The following SHANK2 variants were observed in gnomAD, a reference collection of about 807,000 sequenced individuals.
SHANK2 encodes SH3 and multiple ankyrin repeat domains 2, also known as SH3 and multiple ankyrin repeat domains protein 2.
SHANK2 carries 43 observed loss-of-function variants against 133.7 expected under a neutral mutation model. The observed-to-expected ratio is 0.32, with a 90% CI of 0.25 to 0.41. The LOEUF (loss-of-function observed/expected upper bound fraction) is 0.41, where lower values mean the gene tolerates loss of function less well. SHANK2 is among the 10% of genes least tolerant of loss of function. SHANK2 has a pLI of 1.00. For missense variants in SHANK2, 1,994 were observed against 2,235.8 expected (o/e 0.89, Z 2.18); for synonymous variants, 1,017 against 952.8 (o/e 1.07, Z -1.24).
intron 11 of SHANK2, among the ~76,000 whole-genome samples, chr11:70,859,708 CTTGAA>C (rs1949227392): frequency 6.6e-6 from 1 of 152,200 alleles, no homozygotes; most frequent in Non-Finnish European, 1.5e-5. Context: ...AGTCCCTGCC[CTTGAA>C]TGTGGTTTGA....
At chr11:70,832,223 T>A (rs1311485948) in intron 11 of SHANK2, among the ~76,000 whole-genome samples, 1 of 152,212 alleles carries the variant, frequency 6.6e-6, no homozygotes, top group Non-Finnish European at 1.5e-5. Context: ...CTGGAGGCAG[T>A]GTCGGTGATC....
chr11:70,894,976 T>G (rs1273696911), intron 11 of SHANK2, among the ~76,000 whole-genome samples: 1 of 152,224 alleles, frequency 6.6e-6, no homozygotes, highest in Non-Finnish European at 1.5e-5. Context: ...GCTCAGTTCA[T>G]TTTCTAAATC....
At chr11:71,214,714 C>T (rs782364663) in intron 2 of SHANK2, among the ~76,000 whole-genome samples, 5 of 152,304 alleles carry the variant, frequency 3.3e-5, no homozygotes, top group East Asian at 1.9e-4. Context: ...ACATCTGTCG[C>T]GTGCCACCCC....
intron 17 of SHANK2, among the ~76,000 whole-genome samples, chr11:70,555,486 CTGTAATG>C (rs1554979308): frequency 6.6e-6 from 1 of 152,234 alleles, no homozygotes; most frequent in South Asian, 2.1e-4. Flanking sequence ...CGGCTCACGC[CTGTAATG>C]TCAGCACTTT....
At chr11:70,781,462 T>C (rs1345144118) in intron 14 of SHANK2, among the ~76,000 whole-genome samples, 10 of 148,712 alleles carry the variant, frequency 6.7e-5, no homozygotes, top group African/African-American at 2.2e-4. Context: ...AAAGGGACCA[T>C]TGCTTGGTCA....
chr11:70,781,860 C>T (rs1334592153), intron 14 of SHANK2, among the ~76,000 whole-genome samples: 1 of 150,882 alleles, frequency 6.6e-6, no homozygotes, highest in Non-Finnish European at 1.5e-5. Flanking sequence ...TTGGAACCAA[C>T]CCAAATGTCC....
At chr11:70,723,459 G>A (rs1946111380) in intron 14 of SHANK2, among the ~76,000 whole-genome samples, 1 of 152,082 alleles carries the variant, frequency 6.6e-6, no homozygotes, top group Non-Finnish European at 1.5e-5. Flanking sequence ...AAAAATACAA[G>A]GAACTGAATT....
At chr11:71,244,187 G>T (rs545725913) in intron 1 of SHANK2, among the ~76,000 whole-genome samples, 4 of 152,280 alleles carry the variant, frequency 2.6e-5, no homozygotes, top group Admixed American at 2.6e-4. Flanking sequence ...ACTGCCTTAG[G>T]CTCTGCCAGC....
chr11:70,591,134 T>C (rs1554987951), intron 17 of SHANK2, among the ~76,000 whole-genome samples: 1 of 152,038 alleles, frequency 6.6e-6, no homozygotes, highest in African/African-American at 2.4e-5. Context: ...TGGACCTCAC[T>C]TGAGGTCAGG....
chr11:70,605,597 G>T (rs1554992106), intron 17 of SHANK2, among the ~76,000 whole-genome samples: 2 of 152,204 alleles, frequency 1.3e-5, no homozygotes, highest in Non-Finnish European at 2.9e-5. Flanking sequence ...TCTACTGACC[G>T]CTCAGTGAAG....
intron 11 of SHANK2, among the ~76,000 whole-genome samples, chr11:70,889,205 A>G (rs1555074170): frequency 6.6e-6 from 1 of 152,084 alleles, no homozygotes; most frequent in South Asian, 2.1e-4. Context: ...AGTCCGTATA[A>G]GGGAAAGGAG....
chr11:70,860,720 A>T (rs1332354529), intron 11 of SHANK2, among the ~76,000 whole-genome samples: 2 of 152,214 alleles, frequency 1.3e-5, no homozygotes, highest in African/African-American at 4.8e-5. Context: ...TAGTTTTAGA[A>T]ATACACGCAA....
intron 14 of SHANK2, among the ~76,000 whole-genome samples, chr11:70,766,577 C>T (rs1302054183): frequency 6.6e-6 from 1 of 152,166 alleles, no homozygotes; most frequent in African/African-American, 2.4e-5. Flanking sequence ...GTTTAAGTCA[C>T]TAAAATAGTT....
rs2058611922 is a variant in SHANK2, at chr11:70,472,772, T to C, written c.*97A>G. 3.3e-6 allele frequency: 4 copies of C among 1,198,636 alleles called. No individual in the cohort carries two copies. The highest frequency in any genetic ancestry group is 1.5e-5 in the African/African-American group (1 of 66,742). The allele number at this position is 1,198,636 out of a possible 1,614,324, so 74.3% of individuals were successfully genotyped here. A position where few individuals can be genotyped will look rare whatever the true frequency, so the allele number is the denominator to read the frequency against. ...CAGGAGACAAACCCATGGAGTGGGG[T>C]TGATGCTCACAGACTTCGCTTGGCA... On this transcript the variant is annotated 3_prime_UTR_variant, in exon 26 of 26. Transcript: ENST00000601538. This position sits in a 1 kb window ranked among gnomAD's most constrained non-coding sequence, Gnocchi z 4.4.
chr11:71,122,573 C>A (rs1487534398), intron 3 of SHANK2, among the ~76,000 whole-genome samples: 3 of 152,016 alleles, frequency 2.0e-5, no homozygotes, highest in Non-Finnish European at 4.4e-5. Flanking sequence ...GTACAGCAAA[C>A]CAACAAGGCA....
chr11:71,065,938 C>T (rs1174873512), intron 9 of SHANK2, among the ~76,000 whole-genome samples: 17 of 3,994 alleles, frequency 4.3e-3, no homozygotes, highest in Non-Finnish European at 6.2e-3. Flanking sequence ...TTGGTGGGGG[C>T]GGGGTACAGA....
chr11:70,941,129 T>C (rs1419864652), intron 10 of SHANK2, among the ~76,000 whole-genome samples: 1 of 152,168 alleles, frequency 6.6e-6, no homozygotes, highest in African/African-American at 2.4e-5. Context: ...GTTCATAATA[T>C]TTAAACATGC....
intron 17 of SHANK2, among the ~76,000 whole-genome samples, chr11:70,511,819 T>C (rs899323949): frequency 2.6e-5 from 4 of 152,238 alleles, no homozygotes; most frequent in Admixed American, 2.6e-4. Flanking sequence ...CTGTGAAGAA[T>C]GGGCATACCT....
rs543440692 is a variant in SHANK2 at position 70,639,884 on chromosome 11, G to A, written c.2061+19944C>T. Among the ~76,000 whole-genome samples the A allele has an allele frequency of 5.4e-4, 82 of 152,306 alleles. No individual in the cohort carries two copies. In the East Asian group the frequency reaches 0.013, roughly 24 times the overall value. On this transcript the variant is annotated intron_variant, in intron 17 of 25. Coordinates refer to ENST00000601538, the MANE Select transcript of SHANK2 (RefSeq NM_012309.5). ...CAGTGGTGGAGTTCTACGTGGCTGG[G>A]ATTGGGACATCAGTGGACCCAGGGA...
Sources: allele counts gnomAD v4.1 joint callset (sites outside exome capture counted in the v4.1 genomes callset), GRCh38; gene constraint gnomAD v4.1.1; non-coding constraint Gnocchi (gnomAD v3.1); transcripts MANE v1.5; gene names NCBI Gene and HGNC (gene_info 2026-07-23, HGNC 2026-07-21).